Variants in POLR3B observed in about 807,000 individuals in gnomAD.
The protein encoded by POLR3B is DNA-directed RNA polymerase III subunit RPC2.
POLR3B carries 96 observed loss-of-function variants against 147.4 expected under a neutral mutation model. The observed-to-expected ratio is 0.65, with a 90% CI of 0.55 to 0.77. The LOEUF (loss-of-function observed/expected upper bound fraction) is 0.77, where lower values mean the gene tolerates loss of function less well. POLR3B is among the 30% of genes least tolerant of loss of function. The probability of loss-of-function intolerance (pLI) is 0.00; values close to 1 mark genes in which losing one functional copy is unlikely to be tolerated. For synonymous variants in POLR3B, 461 were observed against 485.9 expected, an observed-to-expected ratio of 0.95 and a Z score of 0.67; for missense variants, 1,036 against 1,413.5, an observed-to-expected ratio of 0.73 and a Z score of 4.28.
chr12:106,393,065 A>G lies in POLR3B; in HGVS notation c.758A>G (p.Gln253Arg). 6.2e-7 allele frequency: 1 copy of G among 1,614,232 alleles called. No homozygotes were observed. The highest frequency in any genetic ancestry group is 8.5e-7 in the Non-Finnish European group (1 of 1,180,022). Residue 253 changes from glutamine to arginine, a missense_variant, in exon 10 of 28, where the codon CAG (glutamine) becomes CGG (arginine). Coordinates refer to ENST00000228347, the MANE Select transcript of POLR3B (RefSeq NM_018082.6). ...MGVESDQEIV[Q>R]MIGTEEHVMA... ...GTTGAGAGTGACCAGGAAATTGTGC[A>G]GATGATTGGAACAGAGGAGCACGTG...
chr12:106,417,331 G>A (rs963374051), intron 12 of POLR3B, among the ~76,000 whole-genome samples: 4 of 152,176 alleles, frequency 2.6e-5, no homozygotes, highest in Admixed American at 2.6e-4. Context: ...AGTGAGTGAG[G>A]TGTCAGGATG....
At chr12:106,358,265 C>T in intron 1 of POLR3B, 1 of 1,317,030 alleles carries the variant, frequency 7.6e-7, no homozygotes, top group Admixed American at 3.2e-5. Context: ...CTGTGGGGGA[C>T]GTATTGCATG....
At chr12:106,502,705 A>G (rs2038620636) in intron 26 of POLR3B, among the ~76,000 whole-genome samples, 1 of 152,176 alleles carries the variant, frequency 6.6e-6, no homozygotes, top group African/African-American at 2.4e-5. Flanking sequence ...TTGAAATGAT[A>G]GACATATGTG....
At chr12:106,391,772 G>T (rs1243877065) in intron 9 of POLR3B, among the ~76,000 whole-genome samples, 4 of 152,192 alleles carry the variant, frequency 2.6e-5, no homozygotes, top group Admixed American at 6.5e-5. Flanking sequence ...AGATGCCCCT[G>T]TTGTACTGAG....
intron 12 of POLR3B, among the ~76,000 whole-genome samples, chr12:106,417,566 C>T (rs879913773): frequency 2.6e-4 from 40 of 151,958 alleles, no homozygotes; most frequent in African/African-American, 8.9e-4. Context: ...AGAGATAGTG[C>T]GGCTGGGATG....
At chr12:106,456,512 C>G (rs925539116) in intron 20 of POLR3B, among the ~76,000 whole-genome samples, 1 of 151,920 alleles carries the variant, frequency 6.6e-6, no homozygotes, top group African/African-American at 2.4e-5. Context: ...TTTTTTCATT[C>G]TGTCTCTTCT....
chr12:106,496,408 C>T (rs146041851), intron 24 of POLR3B: 164 of 614,688 alleles, frequency 2.7e-4, no homozygotes, highest in African/African-American at 2.6e-3. Context: ...ATTTACCCCT[C>T]AGCAAAAGAG....
In POLR3B at chr12:106,432,101, A is replaced by G. The variant is rs2037517984; in HGVS notation, c.1465-217A>G. 2.6e-5 allele frequency among the ~76,000 whole-genome samples: 4 copies of G among 152,318 alleles called. No individual in the cohort carries two copies. The South Asian group carries it at 8.3e-4, about 32-fold the overall frequency. On this transcript the variant is annotated intron_variant, in intron 14 of 27. Coordinates refer to ENST00000228347, the MANE Select transcript of POLR3B (RefSeq NM_018082.6). ...CTGTGCTGAGCATTTCTGTATCTAA[A>G]TCTATTTTATATCCTTGCTTGTTAT...
chr12:106,358,472 T>C (rs1324856886), intron 1 of POLR3B, among the ~76,000 whole-genome samples: 2 of 152,206 alleles, frequency 1.3e-5, no homozygotes, highest in African/African-American at 4.8e-5. Context: ...CTGTGTGTTT[T>C]CTGGGGGAGA....
intron 21 of POLR3B, among the ~76,000 whole-genome samples, chr12:106,459,047 G>A (rs1565902893): frequency 2.0e-5 from 3 of 152,120 alleles, no homozygotes; most frequent in Non-Finnish European, 4.4e-5. Flanking sequence ...GTGTGTGGGT[G>A]TGTGAGTCTC....
At chr12:106,405,416 TG>T (rs1481779803) in intron 10 of POLR3B, among the ~76,000 whole-genome samples, 3 of 152,096 alleles carry the variant, frequency 2.0e-5, no homozygotes, top group Non-Finnish European at 4.4e-5. Flanking sequence ...CTGTCAGCAC[TG>T]TTTTGTAGCT....
chr12:106,362,021 A>G (rs2036477301), intron 1 of POLR3B, among the ~76,000 whole-genome samples: 1 of 152,228 alleles, frequency 6.6e-6, no homozygotes, highest in Non-Finnish European at 1.5e-5. Flanking sequence ...AGTGAGGAAC[A>G]GAGAAGCTAA....
intron 23 of POLR3B, among the ~76,000 whole-genome samples, chr12:106,489,501 A>G (rs1240873461): frequency 1.3e-5 from 2 of 152,190 alleles, no homozygotes; most frequent in Non-Finnish European, 2.9e-5. Flanking sequence ...TAATTTATTA[A>G]GATTTTGATT....
Position 106,437,060 on chromosome 12 carries a change from C to T in POLR3B, c.1785C>T (p.Pro595=). 6.2e-7 allele frequency: 1 copy of T among 1,612,232 alleles called. No homozygotes were observed. Among genetic ancestry groups the T allele is most frequent in the Non-Finnish European group, 8.5e-7 (1 of 1,178,790 alleles). Reference sequence around the variant, plus strand: ...TGGTTTGCTGTTTCCATTCTAGACCCTACATAATTGTCAAGAAACAGAAGC... The same window carrying T: ...TGGTTTGCTGTTTCCATTCTAGACCTTACATAATTGTCAAGAAACAGAAGC... ...ISSDGGRLCR[P]YIIVKKQKPA... The change falls in exon 17 of 28, where the codon CCC becomes CCT. Residue 595 remains proline (P), a synonymous_variant. Transcript: ENST00000228347.
chr12:106,387,229 A>G (rs957305140), intron 9 of POLR3B, among the ~76,000 whole-genome samples: 7 of 152,336 alleles, frequency 4.6e-5, no homozygotes, highest in African/African-American at 1.4e-4. Flanking sequence ...TTAACAGTGC[A>G]TTATGAATAG....
intron 23 of POLR3B, among the ~76,000 whole-genome samples, chr12:106,481,379 G>A (rs1195329193): frequency 6.6e-6 from 1 of 152,218 alleles, no homozygotes; most frequent in Non-Finnish European, 1.5e-5. Context: ...AGAGCCTCCT[G>A]GAATTGCTGA....
intron 27 of POLR3B, among the ~76,000 whole-genome samples, chr12:106,506,527 G>C (rs7296090): frequency 1.3e-5 from 2 of 152,002 alleles, no homozygotes; most frequent in African/African-American, 4.8e-5. Context: ...TGTAAGCAGC[G>C]ATTGATCCTT....
intron 18 of POLR3B, among the ~76,000 whole-genome samples, chr12:106,438,138 G>A (rs572522502): frequency 4.6e-5 from 7 of 152,146 alleles, no homozygotes; most frequent in South Asian, 2.1e-4. Flanking sequence ...GAGAACATGC[G>A]GTGTTTGGTT....
chr12:106,413,763 C>G (rs190681588), intron 12 of POLR3B, among the ~76,000 whole-genome samples: 1 of 152,032 alleles, frequency 6.6e-6, no homozygotes, highest in East Asian at 1.9e-4. Context: ...CCTATTCTCC[C>G]TTTTTTCTGT....
Sources: allele counts gnomAD v4.1 joint callset (sites outside exome capture counted in the v4.1 genomes callset), GRCh38; gene constraint gnomAD v4.1.1; transcripts MANE v1.5; gene names NCBI Gene and HGNC (gene_info 2026-07-23, HGNC 2026-07-21).